TEF: variants seen among roughly 807,000 people sequenced by gnomAD.
The protein encoded by TEF is thyrotroph embryonic factor.
A neutral mutation model predicts 20.8 loss-of-function variants in TEF; 3 were observed. The observed-to-expected ratio is 0.14, with a 90% CI of 0.07 to 0.37. The LOEUF is 0.37. Ranked by LOEUF, TEF falls within the 10% of genes least tolerant of loss-of-function variation. TEF has a pLI of 1.00. For missense variants in TEF, 296 were observed against 397.9 expected (o/e 0.74, Z 2.18); for synonymous variants, 180 against 171.1 (o/e 1.05, Z -0.41).
intron 1 of TEF, 98 bp downstream of exon 1, chr22:41,382,299 C>T: frequency 1.9e-6 from 2 of 1,050,032 alleles, no homozygotes; most frequent in African/African-American, 1.7e-5. Flanking sequence ...GGTCAGGGAG[C>T]AGTGGTCCAG....
chr22:41,378,519 G>C (rs1344224579), upstream of TEF, among the ~76,000 whole-genome samples: 1 of 151,928 alleles, frequency 6.6e-6, no homozygotes, highest in Non-Finnish European at 1.5e-5. Flanking sequence ...CTAATTTTTT[G>C]TATTTTTTAG....
chr22:41,369,323 C>T (rs911727062), intron 1 of TEF: 7 of 908,004 alleles, frequency 7.7e-6, no homozygotes, highest in Middle Eastern at 5.5e-4. Flanking sequence ...AGGTTTCAGG[C>T]AGAGCTTTGC....
At chr22:41,383,043 C>T (rs1166431373) in intron 1 of TEF, 2 of 470,682 alleles carry the variant, frequency 4.2e-6, no homozygotes, top group Non-Finnish European at 8.8e-6. Flanking sequence ...GCAGGAGGGC[C>T]GCCTGTGGTG....
intron 1 of TEF, among the ~76,000 whole-genome samples, chr22:41,376,113 G>A (rs947104799): frequency 1.3e-5 from 2 of 152,246 alleles, no homozygotes; most frequent in Admixed American, 6.5e-5. Context: ...AAAGGCTCCT[G>A]TGTTGGAGTT....
At chr22:41,383,897 C>T (rs1327126990) in intron 1 of TEF, among the ~76,000 whole-genome samples, 1 of 152,236 alleles carries the variant, frequency 6.6e-6, no homozygotes, top group African/African-American at 2.4e-5. Context: ...GAGTCCAGAT[C>T]TCAAGGGAGG....
At chr22:41,378,446 C>T (rs2036975200), upstream of TEF, among the ~76,000 whole-genome samples, 3 of 150,714 alleles carry the variant, frequency 2.0e-5, no homozygotes, top group South Asian at 4.2e-4. Flanking sequence ...CCCGGGTTCA[C>T]GCCATTCTCC....
intron 1 of TEF, among the ~76,000 whole-genome samples, chr22:41,375,258 C>G (rs1444909148): frequency 2.6e-5 from 4 of 152,150 alleles, no homozygotes; most frequent in Non-Finnish European, 5.9e-5. Flanking sequence ...AGTAAAGAGC[C>G]TCCACCCACC....
At chr22:41,382,317 G>A in intron 1 of TEF, 116 bp downstream of exon 1, 1 of 946,504 alleles carries the variant, frequency 1.1e-6, no homozygotes, top group Non-Finnish European at 1.4e-6. Context: ...CAGCGGAGGG[G>A]GATGGGGCCT....
chr22:41,367,613 T>A (rs956695181), intron 1 of TEF: 5 of 1,550,328 alleles, frequency 3.2e-6, no homozygotes, highest in Non-Finnish European at 4.4e-6. Context: ...GGAGCACAGG[T>A]GACCTGCATT....
In TEF at chr22:41,367,595, AACAGGTAGGAGC is replaced by A; in HGVS notation, c.67+3_67+14del. The A allele has an allele frequency of 6.4e-7, 1 of 1,551,216 alleles. No homozygotes were observed. Among genetic ancestry groups the A allele is most frequent in the Non-Finnish European group, 8.7e-7 (1 of 1,146,866 alleles). On this transcript the variant is annotated splice_donor_variant and splice_donor_5th_base_variant and coding_sequence_variant and intron_variant, in exon 1 of 4. Transcript: ENST00000406644. LOFTEE classifies it high-confidence loss of function. The stretch of plus-strand genomic sequence containing the variant: ...ACTCTCTGCCTTGGCCAGAGAAGAG[AACAGGTAGGAGC>A]ACAGGTGACCTGCATTGATTGGCTG...
chr22:41,369,132 G>T, intron 1 of TEF: 1 of 985,366 alleles, frequency 1.0e-6, no homozygotes, highest in Non-Finnish European at 1.2e-6. Flanking sequence ...GGGCAGGGAG[G>T]ATTCTCAGGG....
Position 41,396,090 on chromosome 22 carries a change from G to C in TEF, c.*130G>C. 1 of 1,004,980 alleles carries C rather than the reference G, an allele frequency of 1.0e-6. No homozygotes were observed. The allele number at this position is 1,004,980 out of a possible 1,614,324, so 62.3% of individuals were successfully genotyped here. A position where few individuals can be genotyped will look rare whatever the true frequency, so the allele number is the denominator to read the frequency against. ...GCATGGCGGCGCACCTGCTGCAGGAGCGGCCACGTCTCAGCTTCATTATAC... is the reference window on the plus strand; with the variant it reads ...GCATGGCGGCGCACCTGCTGCAGGACCGGCCACGTCTCAGCTTCATTATAC... On this transcript the variant is annotated 3_prime_UTR_variant, in exon 4 of 4. Transcript: ENST00000266304.
upstream of TEF, among the ~76,000 whole-genome samples, chr22:41,377,872 G>A (rs1425449951): frequency 8.5e-5 from 13 of 152,130 alleles, no homozygotes; most frequent in Admixed American, 8.5e-4. Context: ...GCCTGTTAGG[G>A]TAGCTGCTCC....
chr22:41,395,836 TC>T lies in TEF; in HGVS notation c.790del (p.Arg264GlyfsTer124). On this transcript the variant is annotated frameshift_variant, in exon 4 of 4. Coordinates refer to ENST00000266304, the MANE Select transcript of TEF (RefSeq NM_003216.4). LOFTEE classifies it high-confidence loss of function. ...ARRLKENQIT[I>X]RAAFLEKENT... is the part of the protein sequence containing the mutation. The stretch of plus-strand genomic sequence containing the variant: ...CGCCTGAAAGAGAATCAGATCACCA[TC>T]CGGGCAGCCTTCCTGGAGAAGGAGA... 6.2e-7 allele frequency: 1 copy of T among 1,614,142 alleles called. No homozygotes were observed. Among genetic ancestry groups the T allele is most frequent in the Non-Finnish European group, 8.5e-7 (1 of 1,180,016 alleles).
chr22:41,382,296 G>A, intron 1 of TEF, 95 bp downstream of exon 1: 2 of 1,073,486 alleles, frequency 1.9e-6, no homozygotes, highest in Non-Finnish European at 2.4e-6. Context: ...GTGGGTCAGG[G>A]AGCAGTGGTC....
In TEF at chr22:41,367,651, C is replaced by T. The variant is rs747903423; in HGVS notation, c.67+52C>T. 30 of 1,525,290 alleles carry T rather than the reference C, an allele frequency of 2.0e-5. 1 individual carries two copies. Among genetic ancestry groups the T allele is most frequent in the South Asian group, 1.2e-4 (10 of 83,046 alleles). The allele number at this position is 1,525,290 out of a possible 1,614,324, so 94.5% of individuals were successfully genotyped here. A position where few individuals can be genotyped will look rare whatever the true frequency, so the allele number is the denominator to read the frequency against. On this transcript the variant is annotated intron_variant, in intron 1 of 3. Transcript: ENST00000406644. ...TTGGCTGCCCAGGTACTCGAGGGGG[C>T]GAGGGGGCAGCCACAGGCACAGTGG...
chr22:41,393,450 G>A (rs992053808), intron 2 of TEF, among the ~76,000 whole-genome samples: 10 of 152,000 alleles, frequency 6.6e-5, no homozygotes, highest in Admixed American at 6.6e-4. Flanking sequence ...AGGAAGTTAA[G>A]GGAATATAAA....
chr22:41,382,924 G>C (rs1052543679), intron 1 of TEF: 11 of 470,946 alleles, frequency 2.3e-5, no homozygotes, highest in Non-Finnish European at 4.0e-5. Context: ...GGGCCACGGC[G>C]GCAGGACTGA....
chr22:41,385,171 C>G (rs2037082607), intron 1 of TEF, among the ~76,000 whole-genome samples: 1 of 151,990 alleles, frequency 6.6e-6, no homozygotes, highest in African/African-American at 2.4e-5. Flanking sequence ...CAAGACAAGC[C>G]TGACCAACAT....
Sources: allele counts gnomAD v4.1 joint callset (sites outside exome capture counted in the v4.1 genomes callset), GRCh38; gene constraint gnomAD v4.1.1; transcripts MANE v1.5; gene names NCBI Gene and HGNC (gene_info 2026-07-23, HGNC 2026-07-21).